CREB3L2: variants seen among roughly 807,000 people sequenced by gnomAD.
CREB3L2 encodes the protein cyclic AMP-responsive element-binding protein 3-like protein 2.
Under a neutral mutation model 57.2 loss-of-function variants are expected in CREB3L2, and 23 were observed. That is an observed-to-expected ratio of 0.40 (90% confidence interval 0.29 to 0.57). CREB3L2 has a LOEUF of 0.57. Ranked by LOEUF, CREB3L2 falls within the 20% of genes least tolerant of loss-of-function variation. The pLI is 0.42. For missense variants in CREB3L2, 628 were observed against 634.7 expected (o/e 0.99, Z 0.11); for synonymous variants, 268 against 265.1 (o/e 1.01, Z -0.11).
intron 1 of CREB3L2, among the ~76,000 whole-genome samples, chr7:137,998,531 C>A (rs1051203033): frequency 5.3e-5 from 8 of 152,206 alleles, no homozygotes; most frequent in African/African-American, 1.9e-4. Context: ...GCCTGATAGG[C>A]AAGTACTTGC....
chr7:137,971,070 T>A (rs1338779509), intron 1 of CREB3L2, among the ~76,000 whole-genome samples: 2 of 151,990 alleles, frequency 1.3e-5, no homozygotes, highest in Non-Finnish European at 2.9e-5. Context: ...TATTAAGAGA[T>A]ACACACAAAC....
rs1799208475 is a variant in CREB3L2, at chr7:137,878,531, G to T, written c.*1945C>A. ...TGGGCTGCAGACAGTGGAGCAGAGA[G>T]AAGCAGAAGCAGAACCTACTAGCAA... On this transcript the variant is annotated 3_prime_UTR_variant, in exon 12 of 12. Coordinates refer to ENST00000330387, the MANE Select transcript of CREB3L2 (RefSeq NM_194071.4). 1 of 233,502 alleles carries T rather than the reference G, an allele frequency of 4.3e-6. No individual in the cohort carries two copies. Among genetic ancestry groups the T allele is most frequent in the East Asian group, 6.0e-5 (1 of 16,550 alleles). The allele number at this position is 233,502 out of a possible 1,614,324, so 14.5% of individuals were successfully genotyped here. A position where few individuals can be genotyped will look rare whatever the true frequency, so the allele number is the denominator to read the frequency against.
chr7:137,963,177 A>G (rs1256666153), intron 1 of CREB3L2, among the ~76,000 whole-genome samples: 1 of 152,226 alleles, frequency 6.6e-6, no homozygotes, highest in Non-Finnish European at 1.5e-5. Flanking sequence ...ATATGCTGAT[A>G]AAAAGGCTGA....
chr7:137,963,418 C>T lies in CREB3L2; in HGVS notation c.103-35052G>A, dbSNP rs555937280. On this transcript the variant is annotated intron_variant, in intron 1 of 11. Transcript: ENST00000330387. ...TTCACTTCTTTCTAGTTTTCAGGCA[C>T]CTCGTACTTGACTTTGTTAGTCCTT... 3.3e-5 allele frequency among the ~76,000 whole-genome samples: 5 copies of T among 152,322 alleles called. No individual in the cohort carries two copies. In the South Asian group the frequency reaches 6.2e-4, roughly 19 times the overall value.
At chr7:137,922,385 T>C (rs201771481) in intron 2 of CREB3L2, among the ~76,000 whole-genome samples, 127 of 7,104 alleles carry the variant, frequency 0.018, 10 homozygotes, top group East Asian at 0.081. Flanking sequence ...TATATATATG[T>C]ATATATATAT....
intron 1 of CREB3L2, chr7:137,955,166 G>A: frequency 1.7e-6 from 1 of 603,264 alleles, no homozygotes; most frequent in Non-Finnish European, 2.8e-6. Flanking sequence ...TTACAGATAC[G>A]CTACTACTTC....
chr7:137,964,935 G>C (rs1801385291), intron 1 of CREB3L2, among the ~76,000 whole-genome samples: 1 of 152,096 alleles, frequency 6.6e-6, no homozygotes, highest in South Asian at 2.1e-4. Flanking sequence ...TATCTCGTCT[G>C]CCACCACGTA....
At chr7:137,931,319 G>C (rs775726754) in intron 1 of CREB3L2, among the ~76,000 whole-genome samples, 1 of 151,114 alleles carries the variant, frequency 6.6e-6, no homozygotes, top group Non-Finnish European at 1.5e-5. Context: ...TCAGGAGATC[G>C]AGACCATCCT....
chr7:137,956,429 G>A (rs1277208122), intron 1 of CREB3L2, among the ~76,000 whole-genome samples: 4 of 152,228 alleles, frequency 2.6e-5, no homozygotes, highest in African/African-American at 7.2e-5. Context: ...AGTAATACCC[G>A]GGTTTCCTCC....
At chr7:137,894,377 C>G (rs1585598790) in intron 8 of CREB3L2, among the ~76,000 whole-genome samples, 1 of 152,138 alleles carries the variant, frequency 6.6e-6, no homozygotes, top group Non-Finnish European at 1.5e-5. Flanking sequence ...GTCTTTGACC[C>G]AGGAATCTCA....
intron 3 of CREB3L2, 97 bp from the exon 4 acceptor site, chr7:137,913,175 A>C: frequency 8.0e-7 from 1 of 1,254,800 alleles, no homozygotes; most frequent in South Asian, 1.5e-5. Flanking sequence ...TCCTCTCGGG[A>C]CAGCCCTGCC....
At chr7:137,985,557 A>G (rs932217956) in intron 1 of CREB3L2, among the ~76,000 whole-genome samples, 5 of 151,988 alleles carry the variant, frequency 3.3e-5, no homozygotes, top group African/African-American at 1.2e-4. Context: ...CTGTTAACAG[A>G]CCCCTAAACA....
At chr7:137,896,824 T>C (rs898706462) in intron 8 of CREB3L2, among the ~76,000 whole-genome samples, 6 of 152,136 alleles carry the variant, frequency 3.9e-5, no homozygotes, top group African/African-American at 1.4e-4. Flanking sequence ...AAGAGGAACA[T>C]CGACAAACTT....
At chr7:137,988,193 T>C (rs1365062575) in intron 1 of CREB3L2, among the ~76,000 whole-genome samples, 1 of 152,200 alleles carries the variant, frequency 6.6e-6, no homozygotes, top group South Asian at 2.1e-4. Context: ...CTGACAGGCC[T>C]GAGGGCCATG....
chr7:137,880,694 G>T lies in CREB3L2; in HGVS notation c.1488-143C>A. ...ATGTTTCTTGTCCTTTTCTCTCCTAGTAGCAATTCTCTGTTTCCAAAGTCC... is the reference window on the plus strand; with the variant it reads ...ATGTTTCTTGTCCTTTTCTCTCCTATTAGCAATTCTCTGTTTCCAAAGTCC... On this transcript the variant is annotated intron_variant, in intron 11 of 11. Coordinates refer to ENST00000330387, the MANE Select transcript of CREB3L2 (RefSeq NM_194071.4). This position sits in a 1 kb window ranked among gnomAD's most constrained non-coding sequence, Gnocchi z 4.0. 1 of 682,012 alleles carries T rather than the reference G, an allele frequency of 1.5e-6. No individual in the cohort carries two copies. The allele number at this position is 682,012 out of a possible 1,614,324, so 42.2% of individuals were successfully genotyped here.
intron 1 of CREB3L2, among the ~76,000 whole-genome samples, chr7:137,976,143 A>C (rs1357040488): frequency 1.3e-5 from 2 of 152,258 alleles, no homozygotes; most frequent in Non-Finnish European, 2.9e-5. Flanking sequence ...TATTGGGTTC[A>C]ATATGGATAT....
At chr7:137,986,942 C>T (rs1197577268) in intron 1 of CREB3L2, among the ~76,000 whole-genome samples, 4 of 152,178 alleles carry the variant, frequency 2.6e-5, no homozygotes, top group African/African-American at 4.8e-5. Flanking sequence ...AGCCCAAGGG[C>T]GACCCCACTG....
chr7:137,901,068 G>A (rs975846690), intron 8 of CREB3L2, among the ~76,000 whole-genome samples: 4 of 152,174 alleles, frequency 2.6e-5, no homozygotes, highest in Non-Finnish European at 5.9e-5. Flanking sequence ...GCATGTATGT[G>A]TACATGTATG....
intron 1 of CREB3L2, chr7:137,953,339 A>G (rs1488196701): frequency 2.0e-6 from 1 of 497,752 alleles, no homozygotes; most frequent in East Asian, 6.9e-5. Context: ...TCCACATAAC[A>G]CATTCCTTCC....
Sources: gnomAD v4.1 joint callset for allele counts (sites outside exome capture counted in the v4.1 genomes callset) on GRCh38, gnomAD v4.1.1 for gene constraint, Gnocchi (gnomAD v3.1) non-coding constraint, MANE v1.5 for transcripts, NCBI Gene and HGNC (gene_info 2026-07-23, HGNC 2026-07-21) for gene names.